Variants in DRD2 observed in about 807,000 individuals in gnomAD.
DRD2 encodes D(2) dopamine receptor.
In DRD2, 8 loss-of-function variants were observed where a neutral mutation model predicts 38.0. The observed-to-expected ratio is 0.21, with a 90% confidence interval of 0.12 to 0.38. DRD2 has a LOEUF of 0.38. Ranked by LOEUF, DRD2 falls within the 10% of genes least tolerant of loss-of-function variation. The probability of loss-of-function intolerance (pLI) is 1.00; values close to 1 mark genes in which losing one functional copy is unlikely to be tolerated. For synonymous variants in DRD2, 230 were observed against 238.6 expected (o/e 0.96, Z 0.33); for missense variants, 403 against 607.7 (o/e 0.66, Z 3.54).
At chr11:113,465,644 A>G (rs535005631) in intron 1 of DRD2, among the ~76,000 whole-genome samples, 1 of 152,270 alleles carries the variant, frequency 6.6e-6, no homozygotes, top group East Asian at 1.9e-4. Context: ...AGTTTCTTCA[A>G]AACTCCATGG....
At chr11:113,452,107 C>T (rs1192923200) in intron 1 of DRD2, among the ~76,000 whole-genome samples, 2 of 151,996 alleles carry the variant, frequency 1.3e-5, no homozygotes, top group Non-Finnish European at 2.9e-5. Context: ...GGGATCTGTG[C>T]GTCAAGTTCG....
intron 1 of DRD2, among the ~76,000 whole-genome samples, chr11:113,451,637 C>G (rs1246828990): frequency 6.6e-6 from 1 of 151,982 alleles, no homozygotes; most frequent in East Asian, 1.9e-4. Flanking sequence ...ATTACAGGCA[C>G]CTGCTACCAC....
Position 113,412,883 on chromosome 11 carries a change from C to G in DRD2, c.811G>C (p.Glu271Gln), listed in dbSNP as rs1039781936. The G allele has an allele frequency of 6.2e-7, 1 of 1,610,582 alleles. No individual in the cohort carries two copies. Among genetic ancestry groups the G allele is most frequent in the Non-Finnish European group, 8.5e-7 (1 of 1,179,674 alleles). The change falls in exon 7 of 8, where the codon GAG (glutamate) becomes CAG (glutamine). Residue 271 changes from glutamate to glutamine, a missense_variant and splice_region_variant. Around this residue, in one of 4 missense-constraint regions of DRD2, gnomAD observed 166 missense variants for 178.6 expected, o/e 0.93. Transcript: ENST00000362072. ...AGCTCCTGGGCTCGCCGGGCAGCCT[C>G]CTGCACCAGAGGCAGAGGGCTCTGG... The part of the protein sequence containing the change: ...GSFPVNRRRV[E>Q]AARRAQELEM...
chr11:113,424,868 T>C, intron 1 of DRD2, 186 bp from the exon 2 acceptor site: 1 of 616,718 alleles, frequency 1.6e-6, no homozygotes, highest in South Asian at 2.0e-5. Context: ...TTTTTACAGC[T>C]GGTAGGACAA....
chr11:113,470,626 GACAAAAT>G (rs1292655708), intron 1 of DRD2, among the ~76,000 whole-genome samples: 1 of 152,166 alleles, frequency 6.6e-6, no homozygotes, highest in Non-Finnish European at 1.5e-5. Context: ...ATCAGATTAT[GACAAAAT>G]TGCCCAAACT....
intron 1 of DRD2, among the ~76,000 whole-genome samples, chr11:113,433,361 T>TC (rs1466909573): frequency 6.6e-6 from 1 of 151,896 alleles, no homozygotes; most frequent in Non-Finnish European, 1.5e-5. Flanking sequence ...GCCCCTGGAC[T>TC]CCCCCACAAA....
At chr11:113,472,097 C>G (rs1458090110) in intron 1 of DRD2, among the ~76,000 whole-genome samples, 1 of 152,226 alleles carries the variant, frequency 6.6e-6, no homozygotes, top group African/African-American at 2.4e-5. Context: ...GGTGCCAACA[C>G]AGGATTGGCT....
intron 1 of DRD2, among the ~76,000 whole-genome samples, chr11:113,452,320 C>A (rs1951216934): frequency 6.6e-6 from 1 of 152,068 alleles, no homozygotes; most frequent in South Asian, 2.1e-4. Flanking sequence ...AATAAATACA[C>A]AAGAAAAGCA....
chr11:113,443,968 G>T (rs926113221), intron 1 of DRD2, among the ~76,000 whole-genome samples: 3 of 152,176 alleles, frequency 2.0e-5, no homozygotes, highest in African/African-American at 7.2e-5. Context: ...TGTAAGTAAA[G>T]TACTATGGGC....
Position 113,410,262 on chromosome 11 carries a change from G to T in DRD2, c.*465C>A, listed in dbSNP as rs1950755136. On this transcript the variant is annotated 3_prime_UTR_variant, in exon 8 of 8. Coordinates refer to ENST00000362072, the MANE Select transcript of DRD2 (RefSeq NM_000795.4). The stretch of plus-strand genomic sequence containing the variant: ...AGGACTGAAGTTGCCTGGCTCCTCG[G>T]CAAGAGAGCTTGCTTGCCTCCTGTG... 1 of 251,704 alleles carries T rather than the reference G, an allele frequency of 4.0e-6. No individual in the cohort carries two copies. The highest frequency in any genetic ancestry group is 6.6e-5 in the South Asian group (1 of 15,244). 15.6% of individuals were successfully genotyped at this position (251,704 alleles called of 1,614,324 possible). A position where few individuals can be genotyped will look rare whatever the true frequency, so the allele number is the denominator to read the frequency against.
At chr11:113,411,020 G>C (rs1198026564) in intron 7 of DRD2, 100 bp from the exon 8 acceptor site, 1 of 1,319,652 alleles carries the variant, frequency 7.6e-7, no homozygotes, top group African/African-American at 1.5e-5. Context: ...CAAGACGGTG[G>C]GCTGTAGCCA....
intron 5 of DRD2, 21 bp from the exon 6 acceptor site, chr11:113,414,482 T>G: frequency 6.2e-7 from 1 of 1,613,708 alleles, no homozygotes; most frequent in Non-Finnish European, 8.5e-7. Flanking sequence ...AGCCAGCACA[T>G]GGGTCACACA....
In DRD2 at chr11:113,414,390, C is replaced by A. The variant is rs749540982; in HGVS notation, c.795G>T (p.Val265=). 1.2e-6 allele frequency: 2 copies of A among 1,614,176 alleles called. No individual in the cohort carries two copies. Among genetic ancestry groups the A allele is most frequent in the Non-Finnish European group, 1.7e-6 (2 of 1,180,030 alleles). The change falls in exon 6 of 8, where the codon GTG becomes GTT. Residue 265 remains valine, a synonymous_variant. Transcript: ENST00000362072. ...GAGCACTTACCACTCTCCGCCTGTT[C>A]ACTGGGAAACTCCCATTAGACTTCA... ...VIMKSNGSFP[V]NRRRVEAARR... is the part of the protein sequence containing the mutation.
At chr11:113,458,631 A>G (rs990357732) in intron 1 of DRD2, among the ~76,000 whole-genome samples, 2 of 152,220 alleles carry the variant, frequency 1.3e-5, no homozygotes, top group African/African-American at 4.8e-5. Flanking sequence ...ATCATCACAA[A>G]CAAGCTTTGA....
chr11:113,474,502 AG>A (rs1176744180), intron 1 of DRD2: 1 of 152,294 alleles, frequency 6.6e-6, no homozygotes, highest in African/African-American at 2.4e-5. Context: ...ACGAAAGTTC[AG>A]GACCAAGGAC....
At chr11:113,452,636 C>A (rs1951227548) in intron 1 of DRD2, among the ~76,000 whole-genome samples, 1 of 145,334 alleles carries the variant, frequency 6.9e-6, no homozygotes, top group Non-Finnish European at 1.5e-5. Flanking sequence ...CTTCTCTGAA[C>A]CAGTCCCCAT....
chr11:113,424,704 A>C, intron 1 of DRD2, 22 bp from the exon 2 acceptor site: 2 of 1,611,886 alleles, frequency 1.2e-6, no homozygotes, highest in South Asian at 2.2e-5. Context: ...AAATGGACAC[A>C]AGGTGTCAGT....
In DRD2 at chr11:113,412,860, C is replaced by T. The variant is rs777013938; in HGVS notation, c.834G>A (p.Glu278=). Reference sequence around the variant, plus strand: ...TGCTGGAGAGCATCTCCATCTCCAGCTCCTGGGCTCGCCGGGCAGCCTCCT... The same window carrying T: ...TGCTGGAGAGCATCTCCATCTCCAGTTCCTGGGCTCGCCGGGCAGCCTCCT... The part of the protein sequence containing the change: ...RRVEAARRAQ[E]LEMEMLSSTS... Residue 278 remains glutamate (E), a synonymous_variant, in exon 7 of 8, where the codon GAG becomes GAA. Transcript: ENST00000362072. The T allele has an allele frequency of 6.2e-7, 1 of 1,612,298 alleles. No individual in the cohort carries two copies. Among genetic ancestry groups the T allele is most frequent in the Non-Finnish European group, 8.5e-7 (1 of 1,179,836 alleles).
intron 4 of DRD2, 137 bp from the exon 5 acceptor site, chr11:113,415,748 G>T: frequency 1.0e-6 from 1 of 964,854 alleles, no homozygotes; most frequent in Non-Finnish European, 1.5e-6. Context: ...GTTTAAGGCT[G>T]CCTGGTCATC....
Sources: gnomAD v4.1 joint callset for allele counts (sites outside exome capture counted in the v4.1 genomes callset) on GRCh38, gnomAD v4.1.1 for gene constraint, gnomAD v4.1.1 regional missense constraint, MANE v1.5 for transcripts, NCBI Gene and HGNC (gene_info 2026-07-23, HGNC 2026-07-21) for gene names.